OR51B5: variants seen among roughly 807,000 people sequenced by gnomAD.
The protein encoded by OR51B5 is olfactory receptor 51B5.
For missense variants in OR51B5, 456 were observed against 374.6 expected, an observed-to-expected ratio of 1.22 and a Z score of -1.79; for synonymous variants, 186 against 144.8, an observed-to-expected ratio of 1.28 and a Z score of -2.04.
At chr11:5,346,207 C>A (rs954463320), upstream of OR51B5, 1 of 144,062 alleles carries the variant, frequency 6.9e-6, no homozygotes, top group African/African-American at 2.5e-5. Context: ...CCAATAATAA[C>A]CTGCAACTTA....
chr11:5,488,928 G>C, intron 1 of OR51B5: 1 of 1,613,982 alleles, frequency 6.2e-7, no homozygotes, highest in Non-Finnish European at 8.5e-7. Flanking sequence ...TCACAGACCT[G>C]GCTCTCAGTT....
At chr11:5,454,123 T>G in intron 1 of OR51B5, 1 of 1,614,204 alleles carries the variant, frequency 6.2e-7, no homozygotes, top group Non-Finnish European at 8.5e-7. Context: ...ATGGACCTGT[T>G]TTTTATCTTC....
intron 1 of OR51B5, among the ~76,000 whole-genome samples, chr11:5,427,040 C>A (rs76997591): frequency 2.6e-5 from 4 of 152,264 alleles, no homozygotes; most frequent in South Asian, 4.1e-4. Context: ...ATCACCTCCC[C>A]CAAAGCACAG....
chr11:5,349,842 A>G (rs1191544631), intron 1 of OR51B5, among the ~76,000 whole-genome samples: 2 of 152,096 alleles, frequency 1.3e-5, no homozygotes, highest in South Asian at 2.1e-4. Flanking sequence ...ACTTTTAGCT[A>G]TGTCAGAAGT....
rs576272834 is a variant in OR51B5 at position 5,477,730 on chromosome 11, C to T, written n.84+27839G>A. On this transcript the variant is annotated intron_variant and non_coding_transcript_variant, in intron 1 of 4. Transcript: ENST00000415970. ...ACAAGGGGTCAGGGAGTTCCCTTTC[C>T]GAGTCAAAGAAAGGGGTGACGGACG... Among the ~76,000 whole-genome samples, 77 of 152,234 alleles carry T rather than the reference C, an allele frequency of 5.1e-4. 1 individual carries two copies. Among genetic ancestry groups the T allele is most frequent in the Middle Eastern group, 3.4e-3 (1 of 294 alleles).
intron 1 of OR51B5, chr11:5,354,623 TCCTCCCGCC>T (rs1849157952): frequency 1.3e-5 from 2 of 157,906 alleles, no homozygotes; most frequent in African/African-American, 4.8e-5. Context: ...CCTCCCCACT[TCCTCCCGCC>T]CCTCCACGCC....
chr11:5,343,539 G>C, upstream of OR51B5: 1 of 761,988 alleles, frequency 1.3e-6, no homozygotes, highest in East Asian at 2.5e-5. Flanking sequence ...GGTTTATATA[G>C]AAGAAATGTC....
intron 1 of OR51B5, among the ~76,000 whole-genome samples, chr11:5,364,853 A>G (rs1040751690): frequency 2.6e-5 from 4 of 152,274 alleles, no homozygotes; most frequent in South Asian, 2.1e-4. Flanking sequence ...CTAAGTTTCT[A>G]TTGGTGAATT....
intron 1 of OR51B5, among the ~76,000 whole-genome samples, chr11:5,411,538 A>C (rs4910786): frequency 0.81 from 123,628 of 152,090 alleles, 51,302 homozygotes; most frequent in Non-Finnish European, 0.89. Context: ...CATTCATGGG[A>C]ATTCAGAATG....
At chr11:5,470,826 C>T (rs1348281017) in intron 1 of OR51B5, among the ~76,000 whole-genome samples, 1 of 152,134 alleles carries the variant, frequency 6.6e-6, no homozygotes, top group Non-Finnish European at 1.5e-5. Flanking sequence ...ACATCTTCAA[C>T]CAAAATATCT....
At position 5,469,555 on chromosome 11, in the gene OR51B5, G is replaced by T. The variant is rs930381505; in HGVS notation, n.84+36014C>A. ...ATGATGCTTAGATTCCAGTGCCAAA[G>T]ATTTGGAAAGTTCAAAAAAAACCAG... On this transcript the variant is annotated intron_variant and non_coding_transcript_variant, in intron 1 of 4. Transcript: ENST00000415970. 6 of 125,738 alleles carry T rather than the reference G, an allele frequency of 4.8e-5. No homozygotes were observed. The East Asian group carries it at 6.7e-4, about 14-fold the overall frequency. The allele number at this position is 125,738 out of a possible 1,614,324, so 7.8% of individuals were successfully genotyped here.
At chr11:5,505,561 G>A (rs956742095) in intron 1 of OR51B5, 11 of 1,057,132 alleles carry the variant, frequency 1.0e-5, no homozygotes, top group Admixed American at 3.3e-5. Flanking sequence ...GAGGTTTACC[G>A]GACTTACAGT....
At chr11:5,496,917 A>G (rs1371874828) in intron 1 of OR51B5, among the ~76,000 whole-genome samples, 2 of 152,162 alleles carry the variant, frequency 1.3e-5, no homozygotes, top group African/African-American at 4.8e-5. Context: ...ACAGCACTTC[A>G]TTAGAGTCAA....
chr11:5,391,272 C>G (rs930690860), intron 1 of OR51B5: 1 of 152,216 alleles, frequency 6.6e-6, no homozygotes, highest in Admixed American at 6.5e-5. Context: ...ATTGCTTCCT[C>G]AAGGACATTT....
At chr11:5,417,699 G>A (rs560710712) in intron 1 of OR51B5, among the ~76,000 whole-genome samples, 157 of 151,610 alleles carry the variant, frequency 1.0e-3, no homozygotes, top group African/African-American at 3.5e-3. Context: ...GCCATCAGAG[G>A]AATGCAAATC....
chr11:5,497,724 T>C (rs1057336067), intron 1 of OR51B5, among the ~76,000 whole-genome samples: 9 of 152,214 alleles, frequency 5.9e-5, no homozygotes, highest in East Asian at 3.9e-4. Context: ...GTGGCTAAAC[T>C]CCTATTTTAA....
chr11:5,437,648 AACT>A (rs1304460488), intron 1 of OR51B5, among the ~76,000 whole-genome samples: 68 of 152,352 alleles, frequency 4.5e-4, no homozygotes, highest in Non-Finnish European at 2.6e-4. Flanking sequence ...GATAGCACCT[AACT>A]ACAAGGGATT....
intron 1 of OR51B5, among the ~76,000 whole-genome samples, chr11:5,359,289 G>T (rs1202281989): frequency 2.0e-5 from 3 of 149,054 alleles, no homozygotes; most frequent in African/African-American, 7.4e-5. Flanking sequence ...GGCAACTTCA[G>T]CAAAGTCTCA....
At chr11:5,412,410 A>C (rs1850162076) in intron 1 of OR51B5, among the ~76,000 whole-genome samples, 1 of 152,174 alleles carries the variant, frequency 6.6e-6, no homozygotes, top group Admixed American at 6.5e-5. Context: ...TATCAGGTTC[A>C]TCTCACTAGG....
Sources: gnomAD v4.1 joint callset for allele counts (sites outside exome capture counted in the v4.1 genomes callset) on GRCh38, gnomAD v4.1.1 for gene constraint, MANE v1.5 for transcripts, NCBI Gene and HGNC (gene_info 2026-07-23, HGNC 2026-07-21) for gene names.